Variants in MIPEP observed in about 807,000 individuals in gnomAD.
MIPEP encodes mitochondrial intermediate peptidase.
Under a neutral mutation model 90.3 loss-of-function variants are expected in MIPEP, and 79 were observed. That is an observed-to-expected ratio of 0.87 (90% CI 0.73 to 1.05). MIPEP has a LOEUF of 1.05. Among genes scored for constraint, MIPEP ranks in the 50% least tolerant of loss-of-function variants. The pLI, the probability that MIPEP is intolerant of heterozygous loss-of-function variation, is 0.00. For synonymous variants in MIPEP, 334 were observed against 315.8 expected (o/e 1.06, Z -0.61); for missense variants, 940 against 905.6 (o/e 1.04, Z -0.49).
intron 10 of MIPEP, among the ~76,000 whole-genome samples, chr13:23,853,801 C>T (rs1487812092): frequency 4.0e-5 from 6 of 151,566 alleles, no homozygotes; most frequent in South Asian, 2.1e-4. Context: ...CTCCTGACCT[C>T]GTGATCCACC....
intron 10 of MIPEP, among the ~76,000 whole-genome samples, chr13:23,857,402 C>G (rs1050228429): frequency 6.6e-6 from 1 of 152,058 alleles, no homozygotes. Context: ...ACCTATATCT[C>G]TACAAAAAAA....
At chr13:23,830,257 C>T (rs573385452) in intron 14 of MIPEP, among the ~76,000 whole-genome samples, 3 of 152,284 alleles carry the variant, frequency 2.0e-5, no homozygotes, top group African/African-American at 7.2e-5. Flanking sequence ...TACACTGCAG[C>T]TACATGCAAC....
At chr13:23,765,851 A>C (rs1952587149) in intron 16 of MIPEP, 1 of 152,222 alleles carries the variant, frequency 6.6e-6, no homozygotes, top group African/African-American at 2.4e-5. Context: ...GGGTTGTACT[A>C]CAAGGGCAGT....
intron 7 of MIPEP, among the ~76,000 whole-genome samples, chr13:23,866,403 A>C (rs1377956022): frequency 3.3e-5 from 5 of 152,182 alleles, no homozygotes; most frequent in African/African-American, 9.7e-5. Context: ...CAGCACACCA[A>C]GCACTTAGTG....
chr13:23,852,618 G>GCCTA (rs1424958745), intron 10 of MIPEP, among the ~76,000 whole-genome samples: 1 of 152,206 alleles, frequency 6.6e-6, no homozygotes, highest in African/African-American at 2.4e-5. Context: ...TCATATGAAA[G>GCCTA]CCTAACACAC....
intron 18 of MIPEP, among the ~76,000 whole-genome samples, chr13:23,738,644 C>T (rs1005937788): frequency 4.7e-5 from 7 of 150,512 alleles, no homozygotes; most frequent in African/African-American, 7.3e-5. Flanking sequence ...AATGGGGTTT[C>T]GCCATGTTGT....
chr13:23,730,296 A>G lies in MIPEP; in HGVS notation c.*52T>C. 1 of 1,219,878 alleles carries G rather than the reference A, an allele frequency of 8.2e-7. No individual in the cohort carries two copies. The highest frequency in any genetic ancestry group is 1.2e-6 in the Non-Finnish European group (1 of 836,190). The allele number at this position is 1,219,878 out of a possible 1,614,324, so 75.6% of individuals were successfully genotyped here. On this transcript the variant is annotated 3_prime_UTR_variant, in exon 19 of 19. Coordinates refer to ENST00000382172, the MANE Select transcript of MIPEP (RefSeq NM_005932.4). ...AAGCTCTCACAGCTGTAGCATTTAT[A>G]ACAAAGTCATTATCTACATGACCTT...
At chr13:23,732,450 G>A (rs1465833709) in intron 18 of MIPEP, among the ~76,000 whole-genome samples, 11 of 152,144 alleles carry the variant, frequency 7.2e-5, no homozygotes, top group Admixed American at 1.3e-4. Flanking sequence ...ATTTATCCAA[G>A]AGAAATGAAA....
chr13:23,800,377 C>T (rs1444629005), intron 16 of MIPEP, among the ~76,000 whole-genome samples: 2 of 152,094 alleles, frequency 1.3e-5, no homozygotes, highest in East Asian at 3.8e-4. Context: ...TACACAATCG[C>T]TTAGGGAAAA....
At chr13:23,833,239 A>T (rs1015196011) in intron 14 of MIPEP, among the ~76,000 whole-genome samples, 14 of 152,242 alleles carry the variant, frequency 9.2e-5, no homozygotes, top group Middle Eastern at 3.4e-3. Context: ...CTTAAGATTT[A>T]AAAAAAATAA....
chr13:23,844,735 C>A (rs1252235909), intron 10 of MIPEP, among the ~76,000 whole-genome samples: 2 of 152,060 alleles, frequency 1.3e-5, no homozygotes, highest in African/African-American at 2.4e-5. Context: ...GCTTATTTTA[C>A]TAAACTATAA....
At position 23,884,233 on chromosome 13, in the gene MIPEP, A is replaced by G. The variant is rs575261262; in HGVS notation, c.363+2100T>C. 4.2e-5 allele frequency among the ~76,000 whole-genome samples: 6 copies of G among 143,100 alleles called. No individual in the cohort carries two copies. The South Asian group carries it at 9.8e-4, about 23-fold the overall frequency. The allele number at this position is 143,100 out of a possible 152,430, so 93.9% of individuals were successfully genotyped here. ...AGGTTAGTGGGGAGGGGGGGGTGTG[A>G]CTACAGGGAGATTTTTGGGGGTGGA... On this transcript the variant is annotated intron_variant, in intron 2 of 18. Transcript: ENST00000382172.
At position 23,858,883 on chromosome 13, in the gene MIPEP, G is replaced by A; in HGVS notation, c.1083C>T (p.Tyr361=). Residue 361 remains tyrosine, a synonymous_variant, in exon 10 of 19, where the codon TAC becomes TAT. Coordinates refer to ENST00000382172, the MANE Select transcript of MIPEP (RefSeq NM_005932.4). ...SEVMPWDPPY[Y]SGVIRAERYN... is the part of the protein sequence containing the mutation. ...ACCTTTCTGCACGAATCACACCACT[G>A]TAGTAAGGGGGGTCCCAGGGCATTA... 5 of 1,613,540 alleles carry A rather than the reference G, an allele frequency of 3.1e-6. No individual in the cohort carries two copies. Among genetic ancestry groups the A allele is most frequent in the Non-Finnish European group, 4.2e-6 (5 of 1,179,620 alleles).
intron 1 of MIPEP, among the ~76,000 whole-genome samples, chr13:23,888,457 G>C (rs1057339951): frequency 4.6e-5 from 7 of 152,074 alleles, no homozygotes; most frequent in African/African-American, 1.4e-4. Context: ...AAGTAGAACA[G>C]GCATCAGGTA....
At chr13:23,863,326 G>A (rs7324410) in intron 8 of MIPEP, among the ~76,000 whole-genome samples, 143,081 of 152,278 alleles carry the variant, frequency 0.94, 67,252 homozygotes, top group East Asian at 1. Flanking sequence ...GGAGGGGCAG[G>A]GGAGGCAGGA....
intron 10 of MIPEP, among the ~76,000 whole-genome samples, chr13:23,849,669 T>C (rs1223918787): frequency 6.6e-6 from 1 of 152,232 alleles, no homozygotes; most frequent in Non-Finnish European, 1.5e-5. Flanking sequence ...CAATAGAATT[T>C]AGTAATGTAT....
At chr13:23,779,625 C>A (rs188213251) in intron 16 of MIPEP, among the ~76,000 whole-genome samples, 159 of 151,986 alleles carry the variant, frequency 1.0e-3, no homozygotes, top group Non-Finnish European at 1.9e-3. Context: ...ACAGTGGGTG[C>A]AGCCCACCGA....
At chr13:23,763,882 G>C (rs1952570378) in intron 16 of MIPEP, among the ~76,000 whole-genome samples, 1 of 152,138 alleles carries the variant, frequency 6.6e-6, no homozygotes, top group Non-Finnish European at 1.5e-5. Flanking sequence ...CAAGTCTGTG[G>C]CTAAGACCTA....
chr13:23,839,764 C>A, intron 11 of MIPEP, 38 bp from the exon 12 acceptor site: 1 of 1,439,354 alleles, frequency 6.9e-7, no homozygotes, highest in South Asian at 1.2e-5. Context: ...TAAATGAGGC[C>A]ATCTGATTCT....
Sources: allele counts gnomAD v4.1 joint callset (sites outside exome capture counted in the v4.1 genomes callset), GRCh38; gene constraint gnomAD v4.1.1; transcripts MANE v1.5; gene names NCBI Gene and HGNC (gene_info 2026-07-23, HGNC 2026-07-21).